VKORC1L1: variants seen among roughly 807,000 people sequenced by gnomAD.
VKORC1L1 encodes the protein vitamin K epoxide reductase complex subunit 1L1.
Under a neutral mutation model 18.9 loss-of-function variants are expected in VKORC1L1, and 2 were observed. That is an observed-to-expected ratio of 0.11 (90% confidence interval 0.04 to 0.33). VKORC1L1 has a LOEUF of 0.33. Ranked by LOEUF, VKORC1L1 falls within the 10% of genes least tolerant of loss-of-function variation. The probability of loss-of-function intolerance (pLI) is 1.00; values close to 1 mark genes in which losing one functional copy is unlikely to be tolerated. For missense variants in VKORC1L1, 123 were observed against 224.1 expected, an observed-to-expected ratio of 0.55 and a Z score of 2.88; for synonymous variants, 96 against 100.0, an observed-to-expected ratio of 0.96 and a Z score of 0.24.
At chr7:65,899,869 A>T (rs776587204) in intron 1 of VKORC1L1, among the ~76,000 whole-genome samples, 1 of 151,544 alleles carries the variant, frequency 6.6e-6, no homozygotes, top group Non-Finnish European at 1.5e-5. Context: ...GCGTGGTGGT[A>T]CATGCCTGTA....
intron 1 of VKORC1L1, among the ~76,000 whole-genome samples, chr7:65,942,360 C>T (rs926767685): frequency 4.0e-5 from 6 of 151,308 alleles, no homozygotes; most frequent in African/African-American, 1.2e-4. Context: ...GACATGGTGG[C>T]GGGCACCTAT....
At chr7:65,903,721 A>G (rs4467826) in intron 1 of VKORC1L1, among the ~76,000 whole-genome samples, 77,482 of 149,900 alleles carry the variant, frequency 0.52, 20,915 homozygotes, top group East Asian at 0.81. Flanking sequence ...GCAGTGAGCT[A>G]TAATTGAGCC....
At chr7:65,941,952 C>T (rs1011973428) in intron 1 of VKORC1L1, among the ~76,000 whole-genome samples, 3 of 152,234 alleles carry the variant, frequency 2.0e-5, no homozygotes, top group East Asian at 1.9e-4. Context: ...TGAGCCACTG[C>T]GCCTAGCCGT....
At chr7:65,902,021 G>A (rs945173745) in intron 1 of VKORC1L1, among the ~76,000 whole-genome samples, 1 of 152,136 alleles carries the variant, frequency 6.6e-6, no homozygotes, top group Non-Finnish European at 1.5e-5. Context: ...AGATACAGCC[G>A]ATTTAAAGAA....
the VKORC1L1 span, among the ~76,000 whole-genome samples, chr7:65,867,190 AAAAG>A: frequency 6.6e-6 from 1 of 152,110 alleles, no homozygotes; most frequent in Non-Finnish European, 1.5e-5. Context: ...CATCACTAAA[AAAAG>A]AAAGAAGAAG....
chr7:65,953,050 G>A (rs1195157251), intron 2 of VKORC1L1, among the ~76,000 whole-genome samples: 1 of 151,798 alleles, frequency 6.6e-6, no homozygotes, highest in Non-Finnish European at 1.5e-5. Context: ...GCCTGCCTTA[G>A]CCTCCCAAAG....
chr7:65,914,763 G>A (rs747393107), intron 1 of VKORC1L1, among the ~76,000 whole-genome samples: 6 of 152,162 alleles, frequency 3.9e-5, no homozygotes, highest in Non-Finnish European at 5.9e-5. Context: ...ACTTTGAGAG[G>A]TTGAAGCGGG....
chr7:65,901,614 G>A (rs1032212120), intron 1 of VKORC1L1, among the ~76,000 whole-genome samples: 11 of 152,196 alleles, frequency 7.2e-5, no homozygotes, highest in Non-Finnish European at 4.4e-5. Flanking sequence ...GCAGAGCAGG[G>A]ATGGGGAAGT....
intron 1 of VKORC1L1, among the ~76,000 whole-genome samples, chr7:65,913,341 G>A (rs1789533072): frequency 6.6e-6 from 1 of 151,826 alleles, no homozygotes; most frequent in Admixed American, 6.6e-5. Context: ...AAGGAGATCT[G>A]GGCCTGCTAT....
At chr7:65,902,412 G>C (rs1369849062) in intron 1 of VKORC1L1, among the ~76,000 whole-genome samples, 2 of 152,166 alleles carry the variant, frequency 1.3e-5, no homozygotes, top group Non-Finnish European at 1.5e-5. Flanking sequence ...CTGCAGATCA[G>C]TGGACTTGAA....
rs1441523404 is a variant in VKORC1L1 at position 65,873,303 on chromosome 7, G to T, written c.-69G>T. On this transcript the variant is annotated 5_prime_UTR_variant, in exon 1 of 3. Transcript: ENST00000360768. ...CGGCGGTGGCGGCGGTGGCGGCTGG[G>T]TCGGGCCCCGACGGGCGGCGGCGGC... is the stretch of plus-strand genomic sequence containing the variant. 1 of 1,214,414 alleles carries T rather than the reference G, an allele frequency of 8.2e-7. No homozygotes were observed. Among genetic ancestry groups the T allele is most frequent in the African/African-American group, 1.6e-5 (1 of 62,398 alleles). 75.2% of individuals were successfully genotyped at this position (1,214,414 alleles called of 1,614,324 possible).
At chr7:65,921,316 T>C (rs1033220482) in intron 1 of VKORC1L1, among the ~76,000 whole-genome samples, 6 of 152,204 alleles carry the variant, frequency 3.9e-5, no homozygotes, top group African/African-American at 1.2e-4. Flanking sequence ...ATTTTTCTCT[T>C]TCCTTGCCTT....
At chr7:65,909,295 C>G (rs375213739) in intron 1 of VKORC1L1, among the ~76,000 whole-genome samples, 2 of 151,474 alleles carry the variant, frequency 1.3e-5, no homozygotes, top group East Asian at 4.0e-4. Context: ...GCATCACTTT[C>G]AAGTGACAAT....
intron 1 of VKORC1L1, among the ~76,000 whole-genome samples, chr7:65,881,379 A>G (rs1788925022): frequency 1.3e-5 from 2 of 152,226 alleles, no homozygotes; most frequent in South Asian, 4.1e-4. Context: ...CTGAGTGAAA[A>G]CAAGTGAGAA....
chr7:65,884,189 G>A (rs964616853), intron 1 of VKORC1L1, among the ~76,000 whole-genome samples: 2 of 152,178 alleles, frequency 1.3e-5, no homozygotes, highest in African/African-American at 4.8e-5. Context: ...TAAAATGAGG[G>A]TAGTAATAGT....
chr7:65,876,488 C>T lies in VKORC1L1; in HGVS notation c.194+2923C>T, dbSNP rs1395717191. On this transcript the variant is annotated intron_variant, in intron 1 of 2. Coordinates refer to ENST00000360768, the MANE Select transcript of VKORC1L1 (RefSeq NM_173517.6). The stretch of plus-strand genomic sequence containing the variant: ...TTGCACTCCAGCCTGTGTGACAGAA[C>T]GAGACTCTGTCTTTAAAAAAAAAAA... Among the ~76,000 whole-genome samples, 4 of 149,082 alleles carry T rather than the reference C, an allele frequency of 2.7e-5. No homozygotes were observed. In the South Asian group the frequency reaches 6.3e-4, roughly 24 times the overall value.
At chr7:65,920,412 G>A (rs1380481050) in intron 1 of VKORC1L1, among the ~76,000 whole-genome samples, 3 of 152,200 alleles carry the variant, frequency 2.0e-5, no homozygotes, top group Non-Finnish European at 4.4e-5. Context: ...GCTGGACCCT[G>A]CTACACACTG....
chr7:65,866,216 T>G, the VKORC1L1 span, among the ~76,000 whole-genome samples: 1 of 152,116 alleles, frequency 6.6e-6, no homozygotes, highest in Non-Finnish European at 1.5e-5. Context: ...AGTATAAACA[T>G]TCATAGGAGT....
At chr7:65,940,265 TCCTG>T (rs1790013220) in intron 1 of VKORC1L1, among the ~76,000 whole-genome samples, 1 of 152,124 alleles carries the variant, frequency 6.6e-6, no homozygotes, top group African/African-American at 2.4e-5. Context: ...CCTCAAGCAA[TCCTG>T]AACCTCCCAA....
Sources: allele counts gnomAD v4.1 joint callset (sites outside exome capture counted in the v4.1 genomes callset), GRCh38; gene constraint gnomAD v4.1.1; transcripts MANE v1.5; gene names NCBI Gene and HGNC (gene_info 2026-07-23, HGNC 2026-07-21).